The following STRIP2 variants were observed in gnomAD, a reference collection of about 807,000 sequenced individuals.
STRIP2 encodes the protein striatin-interacting protein 2.
A neutral mutation model predicts 107.1 loss-of-function variants in STRIP2; 84 were observed. The observed-to-expected ratio is 0.78, with a 90% confidence interval of 0.66 to 0.94. The LOEUF is 0.94. Among genes scored for constraint, STRIP2 ranks in the 40% least tolerant of loss-of-function variants. The probability of loss-of-function intolerance (pLI) is 0.00; values close to 1 mark genes in which losing one functional copy is unlikely to be tolerated. For missense variants in STRIP2, 888 were observed against 1,034.2 expected (o/e 0.86, Z 1.94); for synonymous variants, 394 against 400.4 (o/e 0.98, Z 0.19).
chr7:129,454,065 T>A, intron 5 of STRIP2, 77 bp from the exon 6 acceptor site: 1 of 1,340,670 alleles, frequency 7.5e-7, no homozygotes, highest in South Asian at 1.2e-5. Flanking sequence ...GCACTCATAT[T>A]TGTGTGAGTG....
intron 3 of STRIP2, among the ~76,000 whole-genome samples, chr7:129,447,963 A>G (rs1023937545): frequency 2.0e-5 from 3 of 152,156 alleles, no homozygotes; most frequent in South Asian, 2.1e-4. Flanking sequence ...GATCTCCACA[A>G]TCCCTCCAGG....
Position 129,461,161 on chromosome 7 carries a change from CAAAG to C in STRIP2, c.1476+794_1476+797del, listed in dbSNP as rs769316870. ...GTGCATTTGGATGTGGATAGAGAGG[CAAAG>C]AAAGGAATCAAGAATAAGTACCATT... On this transcript the variant is annotated intron_variant, in intron 13 of 20. Coordinates refer to ENST00000249344, the MANE Select transcript of STRIP2 (RefSeq NM_020704.3). The surrounding 1 kb of genome is among the most constrained non-coding windows in gnomAD (Gnocchi z 4.0). 1.1e-4 allele frequency among the ~76,000 whole-genome samples: 17 copies of C among 152,018 alleles called. No homozygotes were observed. The highest frequency in any genetic ancestry group is 2.1e-4 in the South Asian group (1 of 4,808).
intron 18 of STRIP2, among the ~76,000 whole-genome samples, chr7:129,479,800 A>G (rs550372467): frequency 6.6e-6 from 1 of 152,316 alleles, no homozygotes; most frequent in East Asian, 1.9e-4. Flanking sequence ...CCTATAAATA[A>G]TATTTCTAAA....
In STRIP2 at chr7:129,483,341, A is replaced by G; in HGVS notation, c.2254+295A>G. The stretch of plus-strand genomic sequence containing the variant: ...ATGACAGCTTTCTCCAAAAGATTTA[A>G]ATTAAAACAACTTTTTATTATTACA... On this transcript the variant is annotated intron_variant, in intron 20 of 20. Transcript: ENST00000249344. The surrounding 1 kb of genome is among the most constrained non-coding windows in gnomAD (Gnocchi z 5.1). 2 of 1,104,198 alleles carry G rather than the reference A, an allele frequency of 1.8e-6. No homozygotes were observed. Among genetic ancestry groups the G allele is most frequent in the South Asian group, 7.5e-5 (2 of 26,524 alleles). The allele number at this position is 1,104,198 out of a possible 1,614,324, so 68.4% of individuals were successfully genotyped here.
At chr7:129,465,196 GCC>G (rs1374863565) in intron 16 of STRIP2, among the ~76,000 whole-genome samples, 2 of 152,098 alleles carry the variant, frequency 1.3e-5, no homozygotes, top group Admixed American at 1.3e-4. Flanking sequence ...TATATAAGTA[GCC>G]AATTATAGAG....
At chr7:129,439,892 C>T (rs757577824) in intron 1 of STRIP2, 130 bp from the exon 2 acceptor site, 3 of 700,734 alleles carry the variant, frequency 4.3e-6, no homozygotes, top group South Asian at 3.6e-5. Flanking sequence ...CCAAATAGGA[C>T]TCTCCTAACT....
At position 129,451,556 on chromosome 7, in the gene STRIP2, C is replaced by G. The variant is rs1439188760; in HGVS notation, c.275-57C>G. On this transcript the variant is annotated intron_variant, in intron 3 of 20. Transcript: ENST00000249344. ...CAGAGGTGGATATGCTATGAGGAGC[C>G]TTTCCAGGAAGGGTGGCAATAGCTG... 3.1e-6 allele frequency: 5 copies of G among 1,601,034 alleles called. No homozygotes were observed. In the East Asian group the frequency reaches 1.1e-4, roughly 36 times the overall value.
chr7:129,441,391 T>G, intron 2 of STRIP2, among the ~76,000 whole-genome samples: 1 of 152,244 alleles, frequency 6.6e-6, no homozygotes, highest in Non-Finnish European at 1.5e-5. Flanking sequence ...AAAATTACAC[T>G]TGGGCACAAG....
rs1459622332 is a variant in STRIP2 at position 129,454,529 on chromosome 7, T to TA, written c.706+4dup. On this transcript the variant is annotated splice_region_variant and intron_variant, in intron 7 of 20. Transcript: ENST00000249344. ...GGGAGACCTTCCGCACTGAATTAAG[T>TA]AAGAAATGGCACTTGAGGAAGGTGT... 1.9e-6 allele frequency: 3 copies of TA among 1,597,184 alleles called. No individual in the cohort carries two copies. In the African/African-American group the frequency reaches 4.0e-5, roughly 21 times the overall value.
At chr7:129,470,999 C>T (rs145033762) in intron 18 of STRIP2, among the ~76,000 whole-genome samples, 1 of 152,138 alleles carries the variant, frequency 6.6e-6, no homozygotes, top group Non-Finnish European at 1.5e-5. Flanking sequence ...CGAAATTGAG[C>T]GTGAATATCT....
chr7:129,475,889 A>T (rs550977025), intron 18 of STRIP2, among the ~76,000 whole-genome samples: 1 of 151,866 alleles, frequency 6.6e-6, no homozygotes, highest in Non-Finnish European at 1.5e-5. Flanking sequence ...GGGCAAGGTC[A>T]TAGATCAACA....
intron 19 of STRIP2, among the ~76,000 whole-genome samples, chr7:129,481,565 C>G (rs942713478): frequency 2.6e-5 from 4 of 151,934 alleles, no homozygotes; most frequent in African/African-American, 7.3e-5. Flanking sequence ...GCAGGACCAA[C>G]TGGTTAAATA....
At position 129,459,437 on chromosome 7, in the gene STRIP2, T is replaced by C; in HGVS notation, c.1341-80T>C. ...ATGTTGTTGAAAGTAGCATGGTCTG[T>C]TGACTCTAGGGGGGTATTGGGGTAT... On this transcript the variant is annotated intron_variant, in intron 11 of 20. Transcript: ENST00000249344. 2.4e-6 allele frequency: 3 copies of C among 1,236,084 alleles called. No individual in the cohort carries two copies. In the East Asian group the frequency reaches 7.0e-5, roughly 29 times the overall value. 76.6% of individuals were successfully genotyped at this position (1,236,084 alleles called of 1,614,324 possible).
At chr7:129,462,369 A>C (rs1394489652) in intron 13 of STRIP2, among the ~76,000 whole-genome samples, 1 of 152,208 alleles carries the variant, frequency 6.6e-6, no homozygotes, top group Non-Finnish European at 1.5e-5. Flanking sequence ...GCATTGGTCA[A>C]AGATGACAGT....
chr7:129,443,265 C>A (rs913388322), intron 2 of STRIP2, among the ~76,000 whole-genome samples: 1 of 152,156 alleles, frequency 6.6e-6, no homozygotes, highest in African/African-American at 2.4e-5. Flanking sequence ...GACTCAAACT[C>A]CTGGCCTCAA....
At position 129,475,628 on chromosome 7, in the gene STRIP2, G is replaced by A. The variant is rs1798903002; in HGVS notation, c.1944+4913G>A. Among the ~76,000 whole-genome samples the A allele has an allele frequency of 2.0e-5, 3 of 148,016 alleles. No individual in the cohort carries two copies. The Admixed American group carries it at 2.1e-4, about 10-fold the overall frequency. On this transcript the variant is annotated intron_variant, in intron 18 of 20. Coordinates refer to ENST00000249344, the MANE Select transcript of STRIP2 (RefSeq NM_020704.3). The stretch of plus-strand genomic sequence containing the variant: ...TTCTCGCATAGGGGGATTTGGCAGG[G>A]TCATAGGACAATAGTGGAGGGAAGT...
chr7:129,469,753 T>C (rs1183197531), intron 17 of STRIP2, among the ~76,000 whole-genome samples: 2 of 152,222 alleles, frequency 1.3e-5, no homozygotes, highest in African/African-American at 4.8e-5. Context: ...TGTATAGAAG[T>C]TTTGACTTTT....
chr7:129,480,976 T>G (rs1312441763), intron 19 of STRIP2, 87 bp downstream of exon 19: 19 of 1,000,328 alleles, frequency 1.9e-5, no homozygotes, highest in Non-Finnish European at 2.8e-5. Flanking sequence ...CTACCTGGTT[T>G]GTGATCTCCG....
chr7:129,479,687 T>A (rs568085392), intron 18 of STRIP2, among the ~76,000 whole-genome samples: 89 of 152,142 alleles, frequency 5.8e-4, no homozygotes, highest in African/African-American at 2.1e-3. Flanking sequence ...AAATGGAGTT[T>A]CACCATGTTG....
Sources: allele counts gnomAD v4.1 joint callset (sites outside exome capture counted in the v4.1 genomes callset), GRCh38; gene constraint gnomAD v4.1.1; non-coding constraint Gnocchi (gnomAD v3.1); transcripts MANE v1.5; gene names NCBI Gene and HGNC (gene_info 2026-07-23, HGNC 2026-07-21).